Variants in GPRASP3 observed in about 807,000 individuals in gnomAD.
GPRASP3 encodes G protein-coupled receptor associated sorting protein family member 3, also known as G protein-coupled receptor associated sorting protein 3.
chrX:102,722,506 C>T, the GPRASP3 span, among the ~76,000 whole-genome samples: 8 of 111,859 alleles, frequency 7.2e-5, no homozygotes, highest in African/African-American at 2.6e-4. Context: ...AATCATTGAC[C>T]ATTGGTGATT....
the GPRASP3 span, among the ~76,000 whole-genome samples, chrX:102,721,781 A>G: frequency 5.4e-5 from 6 of 110,929 alleles, no homozygotes; most frequent in African/African-American, 2.0e-4. Flanking sequence ...TAGTCTCCTA[A>G]GTTTCCCTCT....
chrX:102,750,730 CAG>C, the GPRASP3 span: 2 of 734,037 alleles, frequency 2.7e-6, no homozygotes, highest in Non-Finnish European at 3.8e-6. Flanking sequence ...ATCTTTAACA[CAG>C]AGTCACCTGT....
the GPRASP3 span, among the ~76,000 whole-genome samples, chrX:102,734,080 G>C: frequency 9.0e-6 from 1 of 111,361 alleles, no homozygotes; most frequent in African/African-American, 3.3e-5. Flanking sequence ...GCAGGGACCG[G>C]CCATTTTCAC....
chrX:102,749,412 A>T, the GPRASP3 span: 2 of 1,211,578 alleles, frequency 1.7e-6, no homozygotes, highest in Admixed American at 4.3e-5. Context: ...AGAATGATAA[A>T]CCTGAAATTG....
At chrX:102,743,889 T>C in the GPRASP3 span, among the ~76,000 whole-genome samples, 8,538 of 110,737 alleles carry the variant, frequency 0.077, 635 homozygotes, top group South Asian at 0.29. Flanking sequence ...AAGGCCAATC[T>C]TAGGTTCTAC....
At chrX:102,745,928 A>T in the GPRASP3 span, 1 of 110,826 alleles carries the variant, frequency 9.0e-6, no homozygotes. Context: ...GGTGGGCCTG[A>T]GAGGGGGGCG....
the GPRASP3 span, among the ~76,000 whole-genome samples, chrX:102,740,835 AAGAG>A: frequency 3.6e-5 from 4 of 110,849 alleles, no homozygotes; most frequent in African/African-American, 9.8e-5. Flanking sequence ...AAGAAAAAGA[AAGAG>A]AAGAAAAGAG....
the GPRASP3 span, among the ~76,000 whole-genome samples, chrX:102,742,356 G>A: frequency 9.0e-6 from 1 of 111,486 alleles, no homozygotes; most frequent in South Asian, 3.8e-4. Context: ...CTTGCCTGGG[G>A]ACCAGTCTGC....
the GPRASP3 span, chrX:102,745,960 C>A: frequency 9.0e-6 from 1 of 111,656 alleles, no homozygotes; most frequent in South Asian, 3.8e-4. Flanking sequence ...CGCGCCGTAT[C>A]CCTCCGCCCC....
the GPRASP3 span, among the ~76,000 whole-genome samples, chrX:102,738,520 C>G: frequency 9.0e-6 from 1 of 111,152 alleles, no homozygotes; most frequent in African/African-American, 3.3e-5. Context: ...TAGGCTAGGA[C>G]CACCCTTCTT....
chrX:102,727,062 G>A, the GPRASP3 span, among the ~76,000 whole-genome samples: 1 of 112,891 alleles, frequency 8.9e-6, no homozygotes, highest in Non-Finnish European at 1.9e-5. Context: ...ACTCACTGAA[G>A]AGCTGTTTTG....
chrX:102,726,853 A>G, the GPRASP3 span, among the ~76,000 whole-genome samples: 1 of 112,685 alleles, frequency 8.9e-6, no homozygotes, highest in Non-Finnish European at 1.9e-5. Context: ...TGGACCTCCT[A>G]GATAAGTCAG....
the GPRASP3 span, among the ~76,000 whole-genome samples, chrX:102,739,505 G>A: frequency 9.0e-6 from 1 of 111,233 alleles, no homozygotes; most frequent in Non-Finnish European, 1.9e-5. Context: ...GTATTCAAGA[G>A]GGTAATATTT....
chrX:102,739,585 C>T, the GPRASP3 span, among the ~76,000 whole-genome samples: 1 of 111,551 alleles, frequency 9.0e-6, no homozygotes, highest in East Asian at 2.8e-4. Flanking sequence ...TCTCCTCCTC[C>T]CAAAGTGGTG....
chrX:102,724,749 G>GTGTGTGTT, the GPRASP3 span, among the ~76,000 whole-genome samples: 9 of 110,085 alleles, frequency 8.2e-5, no homozygotes, highest in South Asian at 3.9e-4. Flanking sequence ...GTGTGTGTGT[G>GTGTGTGTT]TGTGTATCCA....
chrX:102,724,718 GGTGTGTGTGTGT>G, the GPRASP3 span, among the ~76,000 whole-genome samples: 8 of 98,829 alleles, frequency 8.1e-5, no homozygotes, highest in East Asian at 3.2e-4. Flanking sequence ...CAGGGTGACT[GGTGTGTGTGTGT>G]GTGTGTGTGT....
the GPRASP3 span, among the ~76,000 whole-genome samples, chrX:102,737,735 A>G: frequency 9.0e-6 from 1 of 111,719 alleles, no homozygotes; most frequent in East Asian, 2.8e-4. Context: ...TTTCTGTTAG[A>G]AAGTTAAGGT....
chrX:102,722,467 A>G, the GPRASP3 span, among the ~76,000 whole-genome samples: 28 of 112,073 alleles, frequency 2.5e-4, 1 homozygote, highest in South Asian at 2.6e-3. Context: ...ATTTTTATAG[A>G]GGTTTCATTA....
the GPRASP3 span, chrX:102,750,400 T>C: frequency 8.3e-7 from 1 of 1,201,999 alleles, no homozygotes; most frequent in African/African-American, 1.7e-5. Context: ...GAAACTACTT[T>C]TAAATATGTC....
Sources: allele counts gnomAD v4.1 joint callset (sites outside exome capture counted in the v4.1 genomes callset), GRCh38; gene constraint gnomAD v4.1.1; transcripts MANE v1.5; gene names NCBI Gene and HGNC (gene_info 2026-07-23, HGNC 2026-07-21).